The following USP53 variants were observed in gnomAD, a reference collection of about 807,000 sequenced individuals.
USP53 encodes ubiquitin specific peptidase 53.
Under a neutral mutation model 94.9 loss-of-function variants are expected in USP53, and 71 were observed. That is an observed-to-expected ratio of 0.75 (90% CI 0.62 to 0.91). The LOEUF is 0.91. Ranked by LOEUF, USP53 falls within the 40% of genes least tolerant of loss-of-function variation. The probability of loss-of-function intolerance (pLI) is 0.00; values close to 1 mark genes in which losing one functional copy is unlikely to be tolerated. For synonymous variants in USP53, 375 were observed against 422.7 expected, an observed-to-expected ratio of 0.89 and a Z score of 1.39; for missense variants, 1,173 against 1,281.0, an observed-to-expected ratio of 0.92 and a Z score of 1.29.
At chr4:119,288,248 A>G (rs1296290134) in intron 17 of USP53, among the ~76,000 whole-genome samples, 4 of 152,240 alleles carry the variant, frequency 2.6e-5, no homozygotes, top group Admixed American at 2.6e-4. Context: ...ACATTTTTAA[A>G]TGAAAATTAA....
At chr4:119,223,985 T>A (rs986167974) in intron 3 of USP53, among the ~76,000 whole-genome samples, 3 of 152,170 alleles carry the variant, frequency 2.0e-5, no homozygotes, top group Admixed American at 2.0e-4. Flanking sequence ...AATTTCTTTT[T>A]AAATATTTTT....
At chr4:119,214,612 T>TAAAA (rs35029575) in intron 2 of USP53, among the ~76,000 whole-genome samples, 1 of 141,598 alleles carries the variant, frequency 7.1e-6, no homozygotes, top group Non-Finnish European at 1.5e-5. Context: ...TTCTTTTCCT[T>TAAAA]AAAAAAAAAA....
At chr4:119,260,980 G>A (rs1199152303) in intron 11 of USP53, among the ~76,000 whole-genome samples, 4 of 108,106 alleles carry the variant, frequency 3.7e-5, no homozygotes, top group East Asian at 2.7e-4. Flanking sequence ...TTTTTTTTGC[G>A]GCAGAGTCTT....
At chr4:119,268,684 ATG>A (rs1427234156) in intron 14 of USP53, among the ~76,000 whole-genome samples, 18 of 152,238 alleles carry the variant, frequency 1.2e-4, no homozygotes, top group African/African-American at 4.1e-4. Flanking sequence ...TAAAGCAATA[ATG>A]TGGCATTTCA....
Position 119,271,872 on chromosome 4 carries a change from A to G in USP53, c.2012A>G (p.Glu671Gly). The G allele has an allele frequency of 6.2e-7, 1 of 1,613,998 alleles. No individual in the cohort carries two copies. The highest frequency in any genetic ancestry group is 2.2e-5 in the East Asian group (1 of 44,870). ...KGAEKNKGLV[E>G]GKVHGDNWQM... ...GCAGAGAAAAATAAAGGCCTTGTAG[A>G]GGGTAAAGTGCATGGTGATAATTGG... The change falls in exon 16 of 19, where the codon GAG (glutamate) becomes GGG (glycine). Residue 671 changes from glutamate to glycine, a missense_variant. By Grantham distance (98) the Glu-to-Gly change is moderately conservative. Transcript: ENST00000692078.
intron 17 of USP53, among the ~76,000 whole-genome samples, chr4:119,281,593 G>A (rs1319426191): frequency 2.6e-5 from 4 of 152,118 alleles, no homozygotes; most frequent in Admixed American, 6.5e-5. Flanking sequence ...AAACAGTAAA[G>A]GGTTGGCCAG....
rs976391657 is a variant in USP53 at position 119,237,450 on chromosome 4, C to A, written c.-542-1768C>A. Among the ~76,000 whole-genome samples, 3 of 152,116 alleles carry A rather than the reference C, an allele frequency of 2.0e-5. No individual in the cohort carries two copies. The South Asian group carries it at 6.2e-4, about 32-fold the overall frequency. Reference sequence around the variant, plus strand: ...CTGGTGCTAAACTATTCATAGATGACCTGCTTCTGGGTCGGGGTTTTGTAT... The same window carrying A: ...CTGGTGCTAAACTATTCATAGATGAACTGCTTCTGGGTCGGGGTTTTGTAT... On this transcript the variant is annotated intron_variant, in intron 4 of 18. Coordinates refer to ENST00000692078, the MANE Select transcript of USP53 (RefSeq NM_001371395.1).
chr4:119,224,679 T>C (rs1429013902), intron 3 of USP53, among the ~76,000 whole-genome samples: 3 of 152,198 alleles, frequency 2.0e-5, no homozygotes, highest in Non-Finnish European at 2.9e-5. Context: ...CCCTTGAATC[T>C]CTGGCTGGGA....
chr4:119,244,122 T>C (rs912412080), intron 5 of USP53, among the ~76,000 whole-genome samples: 3 of 152,224 alleles, frequency 2.0e-5, no homozygotes, highest in African/African-American at 7.2e-5. Context: ...TCTAAAGTTG[T>C]GCTGTCATTA....
At chr4:119,215,800 T>G (rs1743657264) in intron 2 of USP53, among the ~76,000 whole-genome samples, 1 of 152,214 alleles carries the variant, frequency 6.6e-6, no homozygotes, top group African/African-American at 2.4e-5. Context: ...TCATATACTC[T>G]GCAGTTCATC....
chr4:119,224,349 A>G (rs1425675842), intron 3 of USP53, among the ~76,000 whole-genome samples: 1 of 152,228 alleles, frequency 6.6e-6, no homozygotes, highest in East Asian at 1.9e-4. Flanking sequence ...AGCCCAAAGC[A>G]GCCATGTTTT....
chr4:119,244,865 C>T (rs948788355), intron 5 of USP53, among the ~76,000 whole-genome samples: 1 of 152,188 alleles, frequency 6.6e-6, no homozygotes, highest in Non-Finnish European at 1.5e-5. Context: ...ACAGTGACCA[C>T]ATACACCTCT....
intron 17 of USP53, among the ~76,000 whole-genome samples, chr4:119,283,300 A>G (rs1489035269): frequency 6.6e-6 from 1 of 152,038 alleles, no homozygotes; most frequent in Non-Finnish European, 1.5e-5. Flanking sequence ...GAAGAACACA[A>G]GTAGTTTGGT....
chr4:119,217,495 C>G (rs373939326), intron 2 of USP53, 55 bp from the exon 3 acceptor site: 6 of 152,152 alleles, frequency 3.9e-5, no homozygotes, highest in African/African-American at 1.4e-4. Context: ...GTTTCCTGAG[C>G]TTCCTTTAAT....
intron 12 of USP53, among the ~76,000 whole-genome samples, chr4:119,263,587 G>A (rs1392498675): frequency 6.6e-6 from 1 of 152,122 alleles, no homozygotes; most frequent in East Asian, 1.9e-4. Flanking sequence ...AAGCATCACT[G>A]GAAAACAAAA....
chr4:119,234,043 C>T (rs112881827), intron 3 of USP53, among the ~76,000 whole-genome samples: 3,708 of 152,266 alleles, frequency 0.024, 56 homozygotes, highest in South Asian at 0.056. Context: ...CCGGTGAGAA[C>T]AGAACACACA....
At chr4:119,242,179 A>T (rs951902134) in intron 5 of USP53, among the ~76,000 whole-genome samples, 7 of 152,106 alleles carry the variant, frequency 4.6e-5, no homozygotes, top group African/African-American at 1.7e-4. Flanking sequence ...TATTTGTATA[A>T]ATACTGGGTA....
At chr4:119,226,118 A>G (rs894027357) in intron 3 of USP53, among the ~76,000 whole-genome samples, 1 of 152,254 alleles carries the variant, frequency 6.6e-6, no homozygotes, top group African/African-American at 2.4e-5. Flanking sequence ...ACAAAATTCA[A>G]CAACTGTTTA....
At chr4:119,290,341 A>C (rs1754610712) in intron 17 of USP53, among the ~76,000 whole-genome samples, 1 of 152,196 alleles carries the variant, frequency 6.6e-6, no homozygotes, top group African/African-American at 2.4e-5. Flanking sequence ...TTAAAAAACT[A>C]TTTGGTGCCT....
Sources: gnomAD v4.1 joint callset for allele counts (sites outside exome capture counted in the v4.1 genomes callset) on GRCh38, gnomAD v4.1.1 for gene constraint, MANE v1.5 for transcripts, NCBI Gene and HGNC (gene_info 2026-07-23, HGNC 2026-07-21) for gene names.